Variants in TNIP3 observed in about 807,000 individuals in gnomAD.
TNIP3 encodes the protein TNFAIP3-interacting protein 3.
A neutral mutation model predicts 54.1 loss-of-function variants in TNIP3; 34 were observed. The observed-to-expected ratio is 0.63, with a 90% CI of 0.48 to 0.84. The LOEUF is 0.84. TNIP3 is among the 40% of genes least tolerant of loss of function. TNIP3 has a pLI of 0.00. For synonymous variants in TNIP3, 134 were observed against 136.8 expected (o/e 0.98, Z 0.14); for missense variants, 366 against 387.6 (o/e 0.94, Z 0.47).
At position 121,132,261 on chromosome 4, in the gene TNIP3, T is replaced by A; in HGVS notation, c.*370A>T. 9.6e-6 allele frequency: 2 copies of A among 209,016 alleles called. No individual in the cohort carries two copies. The highest frequency in any genetic ancestry group is 1.9e-5 in the Non-Finnish European group (2 of 105,282). 12.9% of individuals were successfully genotyped at this position (209,016 alleles called of 1,614,324 possible). A position where few individuals can be genotyped will look rare whatever the true frequency, so the allele number is the denominator to read the frequency against. On this transcript the variant is annotated 3_prime_UTR_variant, in exon 11 of 11. Transcript: ENST00000057513. ...ACACACACACACACACATATGCACT[T>A]TAAATCAACATACAATATCCCTGCA...
At chr4:121,203,164 A>G (rs934562231) in intron 2 of TNIP3, among the ~76,000 whole-genome samples, 5 of 152,118 alleles carry the variant, frequency 3.3e-5, no homozygotes, top group Admixed American at 6.6e-5. Flanking sequence ...CTGCAAAAAT[A>G]TGAAACCAGC....
chr4:121,171,304 T>C (rs1731051668), intron 3 of TNIP3, among the ~76,000 whole-genome samples: 1 of 152,212 alleles, frequency 6.6e-6, no homozygotes, highest in Admixed American at 6.5e-5. Flanking sequence ...ATTTATTTTG[T>C]GCAATTTATT....
At chr4:121,189,636 G>T (rs1431240282) in intron 2 of TNIP3, among the ~76,000 whole-genome samples, 1 of 152,200 alleles carries the variant, frequency 6.6e-6, no homozygotes, top group African/African-American at 2.4e-5. Context: ...TAAGATTGTA[G>T]TAGAAGAGAG....
intron 1 of TNIP3, among the ~76,000 whole-genome samples, chr4:121,223,569 C>T (rs1185338541): frequency 6.6e-6 from 1 of 151,810 alleles, no homozygotes; most frequent in African/African-American, 2.4e-5. Flanking sequence ...ATTTAAATTC[C>T]ACCACATTTA....
At chr4:121,155,737 C>T (rs1288369572) in intron 4 of TNIP3, among the ~76,000 whole-genome samples, 3 of 151,962 alleles carry the variant, frequency 2.0e-5, no homozygotes, top group Non-Finnish European at 4.4e-5. Context: ...GATTTTAACC[C>T]AGTAAAATAA....
upstream of TNIP3, among the ~76,000 whole-genome samples, chr4:121,166,666 G>A (rs1730783440): frequency 6.6e-6 from 1 of 152,192 alleles, no homozygotes; most frequent in African/African-American, 2.4e-5. Context: ...CATCATTCTG[G>A]TGGACAATAA....
At position 121,169,491 on chromosome 4, in the gene TNIP3, C is replaced by T. The variant is rs1185571514; in HGVS notation, c.190-5345G>A. On this transcript the variant is annotated intron_variant, in intron 3 of 12. Coordinates refer to the TNIP3 transcript ENST00000507879. ...TTTTCTTCTTTTTGTTGATTGCCTC[C>T]CGACACTAGCTTGTAAACTCCATGA... 3.3e-5 allele frequency among the ~76,000 whole-genome samples: 5 copies of T among 152,072 alleles called. No individual in the cohort carries two copies. The South Asian group carries it at 1.0e-3, about 32-fold the overall frequency.
At chr4:121,220,136 T>G (rs1268484334), upstream of TNIP3, among the ~76,000 whole-genome samples, 1 of 152,216 alleles carries the variant, frequency 6.6e-6, no homozygotes, top group Non-Finnish European at 1.5e-5. Context: ...ATTAATTTTT[T>G]AGAAATGACA....
chr4:121,169,860 T>C (rs13128962), intron 3 of TNIP3, among the ~76,000 whole-genome samples: 51,179 of 152,176 alleles, frequency 0.34, 10,092 homozygotes, highest in African/African-American at 0.55. Context: ...AAACAATGCT[T>C]CTATGCGATA....
intron 4 of TNIP3, among the ~76,000 whole-genome samples, 197 bp from the exon 5 acceptor site, chr4:121,154,876 G>A (rs150348094): frequency 6.6e-6 from 1 of 151,890 alleles, no homozygotes; most frequent in Admixed American, 6.6e-5. Flanking sequence ...CTAGAATTAG[G>A]ATTGAAGGAA....
chr4:121,187,565 C>G (rs577439717), intron 2 of TNIP3, among the ~76,000 whole-genome samples: 1 of 152,148 alleles, frequency 6.6e-6, no homozygotes, highest in African/African-American at 2.4e-5. Context: ...GAGGGCTATG[C>G]TATTTCCAAA....
chr4:121,201,419 A>G (rs1488635749), intron 2 of TNIP3, among the ~76,000 whole-genome samples: 1 of 152,162 alleles, frequency 6.6e-6, no homozygotes, highest in East Asian at 1.9e-4. Context: ...TAAGCATTAT[A>G]TTGTATGTCT....
At position 121,161,098 on chromosome 4, in the gene TNIP3, C is replaced by T. The variant is rs183001313; in HGVS notation, c.147+38G>A. 1.4e-4 allele frequency: 205 copies of T among 1,431,958 alleles called. No homozygotes were observed. In the East Asian group the frequency reaches 4.8e-3, roughly 33 times the overall value. The allele number at this position is 1,431,958 out of a possible 1,614,324, so 88.7% of individuals were successfully genotyped here. A position where few individuals can be genotyped will look rare whatever the true frequency, so the allele number is the denominator to read the frequency against. ...CATTATTTTATCCTCAGCATTAATC[C>T]ATGGCACCTGTGGCTTTAGCGAATA... is the stretch of plus-strand genomic sequence containing the variant. On this transcript the variant is annotated intron_variant, in intron 2 of 10. Coordinates refer to ENST00000057513, the MANE Select transcript of TNIP3 (RefSeq NM_024873.6).
Position 121,162,484 on chromosome 4 carries a change from T to A in TNIP3, c.67-1268A>T, listed in dbSNP as rs1170463211. Among the ~76,000 whole-genome samples the A allele has an allele frequency of 5.3e-5, 8 of 152,052 alleles. No homozygotes were observed. The East Asian group carries it at 1.5e-3, about 29-fold the overall frequency. ...GTGACACTGAAACCCAAGTGTCAAGTATGTTGGGGCCCGTAATTGGACCTT... is the reference window on the plus strand; with the variant it reads ...GTGACACTGAAACCCAAGTGTCAAGAATGTTGGGGCCCGTAATTGGACCTT... On this transcript the variant is annotated intron_variant, in intron 1 of 10. Transcript: ENST00000057513.
intron 2 of TNIP3, among the ~76,000 whole-genome samples, chr4:121,187,516 C>T (rs1725083306): frequency 6.6e-6 from 1 of 152,198 alleles, no homozygotes; most frequent in Non-Finnish European, 1.5e-5. Context: ...CATCTGGGAT[C>T]TTAGTGACCT....
chr4:121,166,660 A>G (rs1730783272), upstream of TNIP3, among the ~76,000 whole-genome samples: 1 of 152,242 alleles, frequency 6.6e-6, no homozygotes, highest in African/African-American at 2.4e-5. Context: ...TATAACCATC[A>G]TTCTGGTGGA....
intron 10 of TNIP3, chr4:121,136,696 A>G (rs1465559496): frequency 1.3e-5 from 2 of 151,956 alleles, no homozygotes; most frequent in Admixed American, 1.3e-4. Flanking sequence ...CTGAACAAAA[A>G]ATAAAAATAA....
intron 2 of TNIP3, chr4:121,192,656 A>C (rs952150682): frequency 6.6e-6 from 1 of 152,176 alleles, no homozygotes; most frequent in African/African-American, 2.4e-5. Flanking sequence ...AGTTTCTGAG[A>C]TTGCTTGCTC....
At chr4:121,185,229 C>T (rs181014745) in intron 2 of TNIP3, among the ~76,000 whole-genome samples, 5 of 152,310 alleles carry the variant, frequency 3.3e-5, no homozygotes, top group Non-Finnish European at 4.4e-5. Flanking sequence ...CTTCCAGACA[C>T]GTTTGCATCG....
Sources: allele counts gnomAD v4.1 joint callset (sites outside exome capture counted in the v4.1 genomes callset), GRCh38; gene constraint gnomAD v4.1.1; transcripts MANE v1.5; gene names NCBI Gene and HGNC (gene_info 2026-07-23, HGNC 2026-07-21).